Variants in MAP1LC3B observed in about 807,000 individuals in gnomAD.
MAP1LC3B encodes the protein microtubule associated protein 1 light chain 3 beta, also known as microtubule-associated protein 1 light chain 3 beta.
A neutral mutation model predicts 16.7 loss-of-function variants in MAP1LC3B; 12 were observed. The observed-to-expected ratio is 0.72, with a 90% confidence interval of 0.46 to 1.16. MAP1LC3B has a LOEUF of 1.16. Ranked by LOEUF, MAP1LC3B falls within the 50% of genes most tolerant of loss-of-function variation. MAP1LC3B has a pLI of 0.00. For synonymous variants in MAP1LC3B, 63 were observed against 56.5 expected (o/e 1.11, Z -0.51); for missense variants, 155 against 159.5 (o/e 0.97, Z 0.15).
At chr16:87,395,913 T>C (rs1247909423) in intron 1 of MAP1LC3B, among the ~76,000 whole-genome samples, 1 of 130,768 alleles carries the variant, frequency 7.6e-6, no homozygotes, top group Non-Finnish European at 1.5e-5. Flanking sequence ...CAGGCTGGAG[T>C]GCAGTGGCAT....
chr16:87,396,408 T>G (rs919867425), intron 1 of MAP1LC3B, among the ~76,000 whole-genome samples: 62 of 150,614 alleles, frequency 4.1e-4, no homozygotes, highest in African/African-American at 1.3e-3. Context: ...CTGGGAGGCG[T>G]AGCTTGCAGT....
intron 2 of MAP1LC3B, among the ~76,000 whole-genome samples, chr16:87,400,892 T>C (rs1382946572): frequency 1.3e-5 from 2 of 152,096 alleles, no homozygotes; most frequent in African/African-American, 4.8e-5. Context: ...CCCAGCACTT[T>C]GGAAGGCCGA....
In MAP1LC3B at chr16:87,403,186, T is replaced by C; in HGVS notation, c.*89T>C. On this transcript the variant is annotated 3_prime_UTR_variant, in exon 4 of 4. Transcript: ENST00000268607. The stretch of plus-strand genomic sequence containing the variant: ...TTACCAACTGAGATCGATCAGTTCA[T>C]CCAATCACAGATCATGAAACAGTAG... 2 of 1,487,178 alleles carry C rather than the reference T, an allele frequency of 1.3e-6. No homozygotes were observed. Among genetic ancestry groups the C allele is most frequent in the Non-Finnish European group, 1.8e-6 (2 of 1,103,316 alleles). 92.1% of individuals were successfully genotyped at this position (1,487,178 alleles called of 1,614,324 possible).
rs967118369 is a variant in MAP1LC3B at position 87,403,753 on chromosome 16, A to G, written c.*656A>G. 4 of 152,264 alleles carry G rather than the reference A, an allele frequency of 2.6e-5. No individual in the cohort carries two copies. The highest frequency in any genetic ancestry group is 9.6e-5 in the African/African-American group (4 of 41,462). 9.4% of individuals were successfully genotyped at this position (152,264 alleles called of 1,614,324 possible). A position where few individuals can be genotyped will look rare whatever the true frequency, so the allele number is the denominator to read the frequency against. On this transcript the variant is annotated 3_prime_UTR_variant, in exon 4 of 4. Coordinates refer to ENST00000268607, the MANE Select transcript of MAP1LC3B (RefSeq NM_022818.5). Reference sequence around the variant, plus strand: ...TTCTGGTTTGGTTTGTTCTCTAGATAGTTACACACATAAAGACACCACTCA... The same window carrying G: ...TTCTGGTTTGGTTTGTTCTCTAGATGGTTACACACATAAAGACACCACTCA...
chr16:87,394,200 T>C (rs1182992866), intron 1 of MAP1LC3B, among the ~76,000 whole-genome samples: 1 of 152,078 alleles, frequency 6.6e-6, no homozygotes, highest in Non-Finnish European at 1.5e-5. Context: ...CCTTTAAATA[T>C]CTCTTTAATA....
At chr16:87,398,318 A>G (rs909086665) in intron 1 of MAP1LC3B, among the ~76,000 whole-genome samples, 3 of 152,174 alleles carry the variant, frequency 2.0e-5, no homozygotes, top group Non-Finnish European at 2.9e-5. Flanking sequence ...ATCATATTCC[A>G]TTCTCTTGAG....
chr16:87,396,847 G>T (rs965241856), intron 1 of MAP1LC3B: 1 of 152,122 alleles, frequency 6.6e-6, no homozygotes, highest in African/African-American at 2.4e-5. Context: ...ATTTTTTTGA[G>T]ACAAAAGTCT....
intron 1 of MAP1LC3B, among the ~76,000 whole-genome samples, 194 bp from the exon 2 acceptor site, chr16:87,398,621 G>C (rs1907884335): frequency 6.6e-6 from 1 of 152,148 alleles, no homozygotes; most frequent in Admixed American, 6.5e-5. Context: ...ATGTTATGTT[G>C]CTCTTGGCCT....
chr16:87,402,545 G>C (rs910435997), intron 3 of MAP1LC3B: 2 of 554,558 alleles, frequency 3.6e-6, no homozygotes, highest in Non-Finnish European at 3.1e-6. Context: ...TTTAAAATCA[G>C]TGTTACAAGT....
chr16:87,399,149 G>C, intron 2 of MAP1LC3B: 1 of 444,296 alleles, frequency 2.3e-6, no homozygotes, highest in South Asian at 2.5e-5. Flanking sequence ...TCTGACTAGA[G>C]GCACACACCA....
chr16:87,392,400 C>G lies in MAP1LC3B; in HGVS notation c.-28C>G. 7.1e-7 allele frequency: 1 copy of G among 1,400,250 alleles called. No individual in the cohort carries two copies. The highest frequency in any genetic ancestry group is 9.2e-7 in the Non-Finnish European group (1 of 1,082,906). The allele number at this position is 1,400,250 out of a possible 1,614,324, so 86.7% of individuals were successfully genotyped here. Reference sequence around the variant, plus strand: ...AGCCGCCGGGACCCTCGCGTCGTCGCCGCCGCCGCCGCCCAGATCCCTGCA... The same window carrying G: ...AGCCGCCGGGACCCTCGCGTCGTCGGCGCCGCCGCCGCCCAGATCCCTGCA... On this transcript the variant is annotated 5_prime_UTR_variant, in exon 1 of 4. Coordinates refer to ENST00000268607, the MANE Select transcript of MAP1LC3B (RefSeq NM_022818.5).
chr16:87,393,621 G>C (rs1187405387), intron 1 of MAP1LC3B, among the ~76,000 whole-genome samples: 1 of 152,142 alleles, frequency 6.6e-6, no homozygotes, highest in Non-Finnish European at 1.5e-5. Context: ...GCAGTCCGTT[G>C]GTTAGCAAGA....
chr16:87,392,619 G>C lies in MAP1LC3B; in HGVS notation c.40+152G>C, dbSNP rs1239424311. On this transcript the variant is annotated intron_variant, in intron 1 of 3. Coordinates refer to ENST00000268607, the MANE Select transcript of MAP1LC3B (RefSeq NM_022818.5). ...GGCCGGCGGGGCCGAGGGATGCGGGGCCCGGGGCCCCGTGAGGGACCCAGG... is the reference window on the plus strand; with the variant it reads ...GGCCGGCGGGGCCGAGGGATGCGGGCCCCGGGGCCCCGTGAGGGACCCAGG... 3 of 685,052 alleles carry C rather than the reference G, an allele frequency of 4.4e-6. No individual in the cohort carries two copies. The Admixed American group carries it at 1.6e-4, about 36-fold the overall frequency. 42.4% of individuals were successfully genotyped at this position (685,052 alleles called of 1,614,324 possible).
At chr16:87,393,972 C>T (rs1039846365) in intron 1 of MAP1LC3B, among the ~76,000 whole-genome samples, 2 of 152,034 alleles carry the variant, frequency 1.3e-5, no homozygotes, top group African/African-American at 4.8e-5. Flanking sequence ...TTGCTTAGTA[C>T]TTTTGGGTTA....
intron 2 of MAP1LC3B, chr16:87,400,267 TC>T (rs1325569064): frequency 1.3e-5 from 2 of 149,166 alleles, no homozygotes; most frequent in African/African-American, 5.0e-5. Context: ...AAGCTCCACC[TC>T]CCGGGTTCAC....
chr16:87,394,587 G>A (rs1446437901), intron 1 of MAP1LC3B, among the ~76,000 whole-genome samples: 1 of 152,222 alleles, frequency 6.6e-6, no homozygotes, highest in Non-Finnish European at 1.5e-5. Context: ...AAGAAACTGG[G>A]TGGGGCCTGG....
intron 2 of MAP1LC3B, among the ~76,000 whole-genome samples, chr16:87,401,816 C>T (rs1908002180): frequency 6.6e-6 from 1 of 151,648 alleles, no homozygotes; most frequent in Non-Finnish European, 1.5e-5. Flanking sequence ...AGGCATGTGC[C>T]ACCATGCCCA....
chr16:87,399,709 A>C (rs541411784), intron 2 of MAP1LC3B: 1 of 391,272 alleles, frequency 2.6e-6, no homozygotes, highest in Non-Finnish European at 5.0e-6. Flanking sequence ...CTTAAAACTA[A>C]AAAAAAACAA....
intron 2 of MAP1LC3B, 119 bp downstream of exon 2, chr16:87,398,989 GT>G: frequency 1.2e-6 from 1 of 831,712 alleles, no homozygotes; most frequent in Non-Finnish European, 2.1e-6. Flanking sequence ...CTGGGTGTCA[GT>G]TTCACAACCT....
Sources: allele counts gnomAD v4.1 joint callset (sites outside exome capture counted in the v4.1 genomes callset), GRCh38; gene constraint gnomAD v4.1.1; transcripts MANE v1.5; gene names NCBI Gene and HGNC (gene_info 2026-07-23, HGNC 2026-07-21).